The following CD79B variants were observed in gnomAD, a reference collection of about 807,000 sequenced individuals.
The protein encoded by CD79B is CD79b molecule.
A neutral mutation model predicts 30.0 loss-of-function variants in CD79B; 7 were observed. The observed-to-expected ratio is 0.23, with a 90% confidence interval of 0.13 to 0.44. The LOEUF is 0.44. Among genes scored for constraint, CD79B ranks in the 20% least tolerant of loss-of-function variants. The pLI is 1.00. For missense variants in CD79B, 218 were observed against 299.1 expected (o/e 0.73, Z 2.00); for synonymous variants, 118 against 119.2 (o/e 0.99, Z 0.07).
chr17:63,929,351 C>A, intron 5 of CD79B, 27 bp from the exon 6 acceptor site: 1 of 1,610,664 alleles, frequency 6.2e-7, no homozygotes. Flanking sequence ...GAACTCAGGC[C>A]GGGACCACAC....
At position 63,930,192 on chromosome 17, in the gene CD79B, G is replaced by A. The variant is rs116625909; in HGVS notation, c.312C>T (p.Leu104=). 1.5e-3 allele frequency: 2,341 copies of A among 1,614,228 alleles called. 32 individuals are homozygous for A. The African/African-American group carries it at 0.027, about 19-fold the overall frequency. ...GRMEESQNES[L]ATLTIQGIRF... Reference sequence around the variant, plus strand: ...GGATGCCTTGGATGGTGAGGGTGGCGAGAGATTCGTTCTGGGACTCTTCCA... The same window carrying A: ...GGATGCCTTGGATGGTGAGGGTGGCAAGAGATTCGTTCTGGGACTCTTCCA... The change falls in exon 3 of 6, where the codon CTC becomes CTT. Residue 104 remains leucine, a synonymous_variant. Transcript: ENST00000006750.
chr17:63,928,946 T>C lies in CD79B; in HGVS notation c.*280A>G. ...TCTGGACCAGTCTCTGCCTCCCCCA[T>C]CCCATGTGTGGGGACGGATCACCTC... On this transcript the variant is annotated 3_prime_UTR_variant, in exon 6 of 6. Coordinates refer to ENST00000006750, the MANE Select transcript of CD79B (RefSeq NM_000626.4). 5 of 524,282 alleles carry C rather than the reference T, an allele frequency of 9.5e-6. No homozygotes were observed. Among genetic ancestry groups the C allele is most frequent in the South Asian group, 8.2e-5 (4 of 48,946 alleles). The allele number at this position is 524,282 out of a possible 1,614,324, so 32.5% of individuals were successfully genotyped here.
chr17:63,932,257 G>T lies in CD79B; in HGVS notation c.5C>A (p.Ala2Asp). M[A>D]RLALSPVPSH... ...GGGCACAGGAGACAACGCCAGCCTGGCCATGGTCACCGCTCTGTCCCCGAC... is the reference window on the plus strand; with the variant it reads ...GGGCACAGGAGACAACGCCAGCCTGTCCATGGTCACCGCTCTGTCCCCGAC... Residue 2 changes from alanine to aspartate, a missense_variant, in exon 1 of 6, where the codon GCC becomes GAC. Ala to Asp is a moderately radical substitution (Grantham distance 126, BLOSUM62 -2). Transcript: ENST00000006750. 4.3e-6 allele frequency: 7 copies of T among 1,612,394 alleles called. No individual in the cohort carries two copies. Among genetic ancestry groups the T allele is most frequent in the Non-Finnish European group, 5.9e-6 (7 of 1,179,938 alleles).
chr17:63,929,945 C>G (rs1908014496), intron 3 of CD79B, 57 bp from the exon 4 acceptor site: 2 of 1,536,324 alleles, frequency 1.3e-6, no homozygotes, highest in Admixed American at 1.7e-5. Flanking sequence ...TTTAGGCCTA[C>G]AAGGGCAGCT....
At position 63,930,172 on chromosome 17, in the gene CD79B, C is replaced by G. The variant is rs762138094; in HGVS notation, c.332G>C (p.Gly111Ala). 5 of 1,614,186 alleles carry G rather than the reference C, an allele frequency of 3.1e-6. No individual in the cohort carries two copies. In the Admixed American group the frequency reaches 8.3e-5, roughly 27 times the overall value. The change falls in exon 3 of 6, where the codon GGC becomes GCC. Residue 111 changes from glycine (G) to alanine (A), a missense_variant. Transcript: ENST00000006750. ...NESLATLTIQ[G>A]IRFEDNGIYF... is the part of the protein sequence containing the mutation. ...GATGCCATTGTCCTCAAACCGGATGCCTTGGATGGTGAGGGTGGCGAGAGA... is the reference window on the plus strand; with the variant it reads ...GATGCCATTGTCCTCAAACCGGATGGCTTGGATGGTGAGGGTGGCGAGAGA...
rs750117150 is a variant in CD79B at position 63,932,210 on chromosome 17, G to A, written c.52C>T (p.Leu18=). The A allele has an allele frequency of 1.9e-6, 3 of 1,613,168 alleles. No individual in the cohort carries two copies. Among genetic ancestry groups the A allele is most frequent in the East Asian group, 4.5e-5 (2 of 44,878 alleles). The change falls in exon 1 of 6, where the codon CTG becomes TTG. Residue 18 remains leucine, a synonymous_variant. Transcript: ENST00000006750. The part of the protein sequence containing the change: ...PVPSHWMVAL[L]LLLSAEPVPA... Reference sequence around the variant, plus strand: ...GGTTCTGTACCTGAGAGCAGCAGCAGCAACGCCACCATCCAGTGGCTGGGC... The same window carrying A: ...GGTTCTGTACCTGAGAGCAGCAGCAACAACGCCACCATCCAGTGGCTGGGC...
chr17:63,929,628 T>C, intron 4 of CD79B, 142 bp downstream of exon 4: 1 of 960,646 alleles, frequency 1.0e-6, no homozygotes, highest in African/African-American at 1.6e-5. Flanking sequence ...AAGGAAGGAA[T>C]GATTGAATTG....
intron 2 of CD79B, chr17:63,931,030 C>T: frequency 2.2e-6 from 1 of 457,082 alleles, no homozygotes; most frequent in Non-Finnish European, 4.1e-6. Context: ...GAGACTCAGC[C>T]AGATTCCCAG....
chr17:63,929,731 C>T, intron 4 of CD79B, 39 bp downstream of exon 4: 1 of 1,467,782 alleles, frequency 6.8e-7, no homozygotes, highest in Non-Finnish European at 9.5e-7. Flanking sequence ...CGGTGGCCTC[C>T]TCTGCGGTCC....
chr17:63,931,198 C>T, intron 2 of CD79B, 137 bp downstream of exon 2: 1 of 832,512 alleles, frequency 1.2e-6, no homozygotes, highest in East Asian at 2.5e-5. Flanking sequence ...CCTAAGGAGG[C>T]CTGGGGATGG....
intron 1 of CD79B, among the ~76,000 whole-genome samples, chr17:63,931,721 C>G (rs1345291467): frequency 1.3e-5 from 2 of 150,168 alleles, no homozygotes; most frequent in Non-Finnish European, 3.0e-5. Flanking sequence ...GCCTGGGCAA[C>G]ATAGGGACAC....
chr17:63,931,994 GA>G (rs961789967), intron 1 of CD79B, 200 bp downstream of exon 1: 15 of 666,000 alleles, frequency 2.3e-5, no homozygotes, highest in Non-Finnish European at 3.6e-5. Context: ...GGCAGGAGAG[GA>G]ACTGGGGCCA....
chr17:63,931,429 C>G, intron 1 of CD79B, 44 bp from the exon 2 acceptor site: 1 of 1,593,566 alleles, frequency 6.3e-7, no homozygotes, highest in Non-Finnish European at 8.6e-7. Flanking sequence ...AGGGCCTCCT[C>G]TGGCCTGGGC....
chr17:63,931,493 A>T, intron 1 of CD79B, 108 bp from the exon 2 acceptor site: 1 of 1,086,548 alleles, frequency 9.2e-7, no homozygotes, highest in Non-Finnish European at 1.4e-6. Context: ...TCCTTCCATG[A>T]CAGCAGCTTC....
At chr17:63,931,741 C>G in intron 1 of CD79B, 1 of 280,500 alleles carries the variant, frequency 3.6e-6, no homozygotes, top group Non-Finnish European at 6.8e-6. Flanking sequence ...CCCTGTCTCT[C>G]TTTTTTTTTT....
rs571240231 is a variant in CD79B at position 63,931,986 on chromosome 17, C to G, written c.67+209G>C. ...CCAGCTCAGCCTGATGCTCTCCAGG[C>G]AGGAGAGGAACTGGGGCCACAGGCT... On this transcript the variant is annotated intron_variant, in intron 1 of 5. Coordinates refer to ENST00000006750, the MANE Select transcript of CD79B (RefSeq NM_000626.4). The G allele has an allele frequency of 6.1e-6, 4 of 653,012 alleles. No individual in the cohort carries two copies. In the South Asian group the frequency reaches 6.5e-5, roughly 11 times the overall value. The allele number at this position is 653,012 out of a possible 1,614,324, so 40.5% of individuals were successfully genotyped here. A position where few individuals can be genotyped will look rare whatever the true frequency, so the allele number is the denominator to read the frequency against.
chr17:63,929,311 T>C lies in CD79B; in HGVS notation c.605A>G (p.Asp202Gly), dbSNP rs747523556. ...TATGTCCTCATAGGTGGCTGTCTGG[T>C]CAATGTCCAGGCCCTGGAGACATTA... ...EDHTYEGLDIDQTATYEDIVT... is the reference protein window; with the variant it reads ...EDHTYEGLDIGQTATYEDIVT... Residue 202 changes from aspartate (D) to glycine (G), a missense_variant, in exon 6 of 6, where the codon GAC becomes GGC. By Grantham distance (94) the Asp-to-Gly change is moderately conservative. Coordinates refer to ENST00000006750, the MANE Select transcript of CD79B (RefSeq NM_000626.4). 15 of 1,613,712 alleles carry C rather than the reference T, an allele frequency of 9.3e-6. 1 individual carries two copies. The South Asian group carries it at 1.6e-4, about 18-fold the overall frequency.
Position 63,930,206 on chromosome 17 carries a change from G to T in CD79B, c.298C>A (p.Gln100Lys). 6.2e-7 allele frequency: 1 copy of T among 1,614,192 alleles called. No individual in the cohort carries two copies. The highest frequency in any genetic ancestry group is 8.5e-7 in the Non-Finnish European group (1 of 1,180,038). ...KLEKGRMEES[Q>K]NESLATLTIQ... ...GTGAGGGTGGCGAGAGATTCGTTCT[G>T]GGACTCTTCCATGCGGCCCTTTTCC... Residue 100 changes from glutamine (Q) to lysine (K), a missense_variant, in exon 3 of 6, where the codon CAG becomes AAG. Gln to Lys is a moderately conservative substitution (Grantham distance 53, BLOSUM62 1). Transcript: ENST00000006750.
At chr17:63,930,484 G>T in intron 2 of CD79B, 99 bp from the exon 3 acceptor site, 2 of 1,108,926 alleles carry the variant, frequency 1.8e-6, no homozygotes, top group Non-Finnish European at 1.3e-6. Context: ...GACTCCCTGG[G>T]CTTAGTCCTT....
Sources: allele counts gnomAD v4.1 joint callset (sites outside exome capture counted in the v4.1 genomes callset), GRCh38; gene constraint gnomAD v4.1.1; transcripts MANE v1.5; gene names NCBI Gene and HGNC (gene_info 2026-07-23, HGNC 2026-07-21).